Variants in CBFA2T2 observed in about 807,000 individuals in gnomAD.
CBFA2T2 encodes the protein protein CBFA2T2.
Under a neutral mutation model 62.2 loss-of-function variants are expected in CBFA2T2, and 11 were observed. The observed-to-expected ratio is 0.18, with a 90% confidence interval of 0.11 to 0.29. The LOEUF (loss-of-function observed/expected upper bound fraction) is 0.29, where lower values mean the gene tolerates loss of function less well. CBFA2T2 is among the 10% of genes least tolerant of loss of function. The pLI is 1.00. For missense variants in CBFA2T2, 592 were observed against 774.1 expected, an observed-to-expected ratio of 0.76 and a Z score of 2.79; for synonymous variants, 295 against 287.5, an observed-to-expected ratio of 1.03 and a Z score of -0.27.
chr20:33,490,436 A>G (rs2011138027), intron 1 of CBFA2T2, 135 bp downstream of exon 1: 2 of 937,874 alleles, frequency 2.1e-6, no homozygotes, highest in Non-Finnish European at 2.8e-6. Context: ...GGCGGATCCA[A>G]GGTCACGCAG....
chr20:33,510,822 G>A (rs962010583), intron 1 of CBFA2T2, among the ~76,000 whole-genome samples: 2 of 152,036 alleles, frequency 1.3e-5, no homozygotes, highest in Non-Finnish European at 2.9e-5. Flanking sequence ...TTTAATGATC[G>A]CTATTCTAAC....
intron 1 of CBFA2T2, among the ~76,000 whole-genome samples, chr20:33,533,700 G>A (rs1043829027): frequency 7.2e-4 from 109 of 152,140 alleles, no homozygotes; most frequent in African/African-American, 2.4e-3. Flanking sequence ...GGAACCGGGC[G>A]TGGTGGCTCA....
At chr20:33,527,977 A>T (rs1244629273) in intron 1 of CBFA2T2, among the ~76,000 whole-genome samples, 1 of 152,072 alleles carries the variant, frequency 6.6e-6, no homozygotes, top group Non-Finnish European at 1.5e-5. Context: ...TTCCCACCTC[A>T]GTCAGCTGAA....
At chr20:33,524,127 A>G (rs972028749) in intron 1 of CBFA2T2, among the ~76,000 whole-genome samples, 1 of 151,816 alleles carries the variant, frequency 6.6e-6, no homozygotes, top group African/African-American at 2.4e-5. Flanking sequence ...AAAAATATGT[A>G]CAGGTTTTAA....
At chr20:33,536,257 C>T (rs946602937) in intron 1 of CBFA2T2, among the ~76,000 whole-genome samples, 23 of 146,530 alleles carry the variant, frequency 1.6e-4, no homozygotes, top group South Asian at 2.2e-4. Flanking sequence ...CGGGCAGAGG[C>T]GCCCCTCATC....
intron 1 of CBFA2T2, among the ~76,000 whole-genome samples, chr20:33,491,661 A>G (rs2011147439): frequency 6.6e-6 from 1 of 151,582 alleles, no homozygotes; most frequent in Admixed American, 6.6e-5. Context: ...GATAGTGATT[A>G]CTCTTTTAGG....
intron 1 of CBFA2T2, among the ~76,000 whole-genome samples, chr20:33,554,340 C>T (rs538124473): frequency 6.6e-6 from 1 of 150,952 alleles, no homozygotes; most frequent in East Asian, 1.9e-4. Flanking sequence ...GCAGCCTTCG[C>T]CTCCTGGGTT....
intron 1 of CBFA2T2, among the ~76,000 whole-genome samples, chr20:33,529,743 TTATATATA>T (rs139769122): frequency 1.5e-3 from 6 of 4,042 alleles, no homozygotes; most frequent in African/African-American, 1.6e-3. Flanking sequence ...AAGAAAGCAG[TTATATATA>T]TATATATATA....
In CBFA2T2 at chr20:33,605,713, T is replaced by C. The variant is rs6057873; in HGVS notation, c.35-1243T>C. 5.0e-4 allele frequency among the ~76,000 whole-genome samples: 76 copies of C among 152,344 alleles called. 1 individual carries two copies. The highest frequency in any genetic ancestry group is 3.4e-3 in the Middle Eastern group (1 of 294). On this transcript the variant is annotated intron_variant, in intron 1 of 10. Transcript: ENST00000342704. The stretch of plus-strand genomic sequence containing the variant: ...ACTTTTCATCTTTTTGAACAATGTA[T>C]AGCATGAATGACATTTACATGTTTG...
In CBFA2T2 at chr20:33,631,680, GA is replaced by G. The variant is rs569897895; in HGVS notation, c.1228+1767del. ...GGGGAGCATGTTTTCTGATTTGCCT[GA>G]GACAGTCCAGTTTATACCTGTGTCC... On this transcript the variant is annotated intron_variant, in intron 8 of 10. Transcript: ENST00000342704. Among the ~76,000 whole-genome samples the G allele has an allele frequency of 2.1e-3, 314 of 152,334 alleles. 2 individuals carry two copies. Among genetic ancestry groups the G allele is most frequent in the African/African-American group, 7.2e-3 (298 of 41,580 alleles).
chr20:33,632,782 T>C (rs1397723657), intron 8 of CBFA2T2, among the ~76,000 whole-genome samples: 1 of 151,732 alleles, frequency 6.6e-6, no homozygotes, highest in Non-Finnish European at 1.5e-5. Flanking sequence ...TTAGTGTTTT[T>C]GTTTGAGACG....
intron 1 of CBFA2T2, among the ~76,000 whole-genome samples, chr20:33,573,233 A>G (rs2013650662): frequency 6.6e-6 from 1 of 152,134 alleles, no homozygotes. Flanking sequence ...TTAATAAGTA[A>G]TATATATGTA....
chr20:33,547,691 G>GTGTGTC (rs2012620680), intron 1 of CBFA2T2, among the ~76,000 whole-genome samples: 1 of 124,894 alleles, frequency 8.0e-6, no homozygotes, highest in Non-Finnish European at 1.7e-5. Context: ...AAAAAAATGT[G>GTGTGTC]TGTGTGTGTG....
At chr20:33,513,810 T>A (rs1276197243) in intron 1 of CBFA2T2, among the ~76,000 whole-genome samples, 7 of 70,230 alleles carry the variant, frequency 1.0e-4, no homozygotes, top group African/African-American at 2.5e-4. Flanking sequence ...TAAGACTCTG[T>A]CCCAGGAAAA....
chr20:33,550,457 A>T (rs1401694221), intron 1 of CBFA2T2, among the ~76,000 whole-genome samples: 2 of 152,240 alleles, frequency 1.3e-5, no homozygotes, highest in Admixed American at 1.3e-4. Flanking sequence ...TGATCCTGTT[A>T]AATTTATTTT....
chr20:33,520,291 G>T (rs1235009522), intron 1 of CBFA2T2, among the ~76,000 whole-genome samples: 1 of 152,172 alleles, frequency 6.6e-6, no homozygotes, highest in Non-Finnish European at 1.5e-5. Context: ...ACTGAGGTAG[G>T]GAGGAGAGGC....
intron 8 of CBFA2T2, among the ~76,000 whole-genome samples, chr20:33,636,247 A>G: frequency 7.1e-6 from 1 of 141,024 alleles, no homozygotes; most frequent in African/African-American, 2.7e-5. Context: ...TGACAGAGTG[A>G]GACTCCGTCT....
chr20:33,544,424 A>T (rs1334458506), intron 1 of CBFA2T2, among the ~76,000 whole-genome samples: 1 of 151,928 alleles, frequency 6.6e-6, no homozygotes, highest in East Asian at 1.9e-4. Flanking sequence ...TCACTTTACC[A>T]GCTTATTACC....
At chr20:33,566,015 G>T (rs2013297499) in intron 1 of CBFA2T2, among the ~76,000 whole-genome samples, 1 of 152,208 alleles carries the variant, frequency 6.6e-6, no homozygotes, top group Non-Finnish European at 1.5e-5. Flanking sequence ...GTGCTCATAA[G>T]TTCCCAGAGA....
Sources: allele counts gnomAD v4.1 joint callset (sites outside exome capture counted in the v4.1 genomes callset), GRCh38; gene constraint gnomAD v4.1.1; transcripts MANE v1.5; gene names NCBI Gene and HGNC (gene_info 2026-07-23, HGNC 2026-07-21).